Variants in GRID2 observed in about 807,000 individuals in gnomAD.
The protein encoded by GRID2 is glutamate receptor ionotropic, delta-2.
In GRID2, 33 loss-of-function variants were observed where a neutral mutation model predicts 114.8. The observed-to-expected ratio is 0.29, with a 90% CI of 0.22 to 0.38. GRID2 has a LOEUF of 0.38. Ranked by LOEUF, GRID2 falls within the 10% of genes least tolerant of loss-of-function variation. The pLI, the probability that GRID2 is intolerant of heterozygous loss-of-function variation, is 1.00. For synonymous variants in GRID2, 505 were observed against 449.9 expected, an observed-to-expected ratio of 1.12 and a Z score of -1.55; for missense variants, 1,184 against 1,257.7, an observed-to-expected ratio of 0.94 and a Z score of 0.89.
intron 2 of GRID2, among the ~76,000 whole-genome samples, chr4:92,962,969 A>G (rs1201205780): frequency 1.3e-5 from 2 of 151,994 alleles, no homozygotes; most frequent in Admixed American, 6.6e-5. Context: ...AAAGCAAGCC[A>G]CACATTTTTT....
At chr4:93,167,479 G>A (rs891800657) in intron 4 of GRID2, among the ~76,000 whole-genome samples, 1 of 152,018 alleles carries the variant, frequency 6.6e-6, no homozygotes, top group Non-Finnish European at 1.5e-5. Context: ...GCATCCTGAG[G>A]TCTCTTCCCT....
chr4:93,490,176 T>C (rs1560674713), intron 11 of GRID2, among the ~76,000 whole-genome samples: 1 of 151,922 alleles, frequency 6.6e-6, no homozygotes, highest in African/African-American at 2.4e-5. Context: ...AACACTAATA[T>C]GTGTGATCCC....
At chr4:92,924,424 G>T (rs1177465958) in intron 2 of GRID2, among the ~76,000 whole-genome samples, 2 of 151,706 alleles carry the variant, frequency 1.3e-5, no homozygotes, top group African/African-American at 4.8e-5. Context: ...AAATTATTCG[G>T]TCCTCTAAAG....
chr4:93,033,575 A>G (rs983715908), intron 2 of GRID2, among the ~76,000 whole-genome samples: 1 of 152,142 alleles, frequency 6.6e-6, no homozygotes, highest in African/African-American at 2.4e-5. Context: ...GTCTAGCTAT[A>G]TTAACCAAAA....
At chr4:92,873,487 C>T (rs918379542) in intron 2 of GRID2, among the ~76,000 whole-genome samples, 1 of 151,938 alleles carries the variant, frequency 6.6e-6, no homozygotes, top group Non-Finnish European at 1.5e-5. Context: ...CTTGAACTCA[C>T]CTTGCTCCAG....
intron 14 of GRID2, among the ~76,000 whole-genome samples, chr4:93,729,125 T>C (rs1387606962): frequency 6.6e-6 from 1 of 152,180 alleles, no homozygotes. Context: ...CTTGAACTCC[T>C]GACCTCATGA....
intron 1 of GRID2, among the ~76,000 whole-genome samples, chr4:93,790,177 C>G (rs982034132): frequency 2.1e-5 from 3 of 145,966 alleles, no homozygotes; most frequent in Middle Eastern, 3.2e-3. Context: ...GTCCCTGGTG[C>G]CAAAAAGCCT....
chr4:93,784,198 A>C (rs1734545386), intron 1 of GRID2, among the ~76,000 whole-genome samples: 1 of 151,008 alleles, frequency 6.6e-6, no homozygotes, highest in Admixed American at 6.6e-5. Context: ...GCTAGCCTCT[A>C]CCTGGAAGCC....
At chr4:93,475,272 T>C (rs72668759) in intron 11 of GRID2, among the ~76,000 whole-genome samples, 2,157 of 152,278 alleles carry the variant, frequency 0.014, 19 homozygotes, top group South Asian at 0.056. Flanking sequence ...ATTTTTCTCT[T>C]CAACTCTTTA....
At chr4:92,720,800 G>C (rs568744085) in intron 2 of GRID2, among the ~76,000 whole-genome samples, 2 of 151,984 alleles carry the variant, frequency 1.3e-5, no homozygotes, top group African/African-American at 2.4e-5. Context: ...ACTACCCTCT[G>C]GGTATATACC....
chr4:93,703,997 T>C (rs1023582407), intron 14 of GRID2, among the ~76,000 whole-genome samples: 4 of 152,180 alleles, frequency 2.6e-5, no homozygotes, highest in East Asian at 1.9e-4. Context: ...TTATAATCCT[T>C]TGGGTATATA....
intron 1 of GRID2, among the ~76,000 whole-genome samples, chr4:92,424,335 C>T (rs1420805639): frequency 6.6e-6 from 1 of 152,054 alleles, no homozygotes; most frequent in Non-Finnish European, 1.5e-5. Context: ...TTATATTTTT[C>T]TATATTCCTT....
chr4:93,098,735 G>C (rs953927504), intron 3 of GRID2, among the ~76,000 whole-genome samples: 4 of 151,826 alleles, frequency 2.6e-5, no homozygotes, highest in Admixed American at 2.6e-4. Context: ...ACCCAATATT[G>C]GGATGGATAT....
At chr4:93,686,829 A>G (rs1726121247) in intron 14 of GRID2, among the ~76,000 whole-genome samples, 1 of 151,984 alleles carries the variant, frequency 6.6e-6, no homozygotes, top group Non-Finnish European at 1.5e-5. Context: ...GGAAAGAGGT[A>G]GAGGATGAGG....
chr4:93,054,249 T>A (rs1346942389), intron 2 of GRID2, among the ~76,000 whole-genome samples: 1 of 151,890 alleles, frequency 6.6e-6, no homozygotes, highest in Non-Finnish European at 1.5e-5. Context: ...ATAACTGAAT[T>A]ATAGCATTCG....
At chr4:93,210,852 C>CT (rs993459163) in intron 5 of GRID2, among the ~76,000 whole-genome samples, 15 of 151,854 alleles carry the variant, frequency 9.9e-5, no homozygotes, top group African/African-American at 2.9e-4. Context: ...TTCTAGATTA[C>CT]TTTTTTTGAA....
intron 13 of GRID2, among the ~76,000 whole-genome samples, chr4:93,554,390 C>T (rs1734095002): frequency 6.6e-6 from 1 of 151,910 alleles, no homozygotes; most frequent in Non-Finnish European, 1.5e-5. Context: ...TCCCTCTGTC[C>T]TTAATTAAAT....
intron 2 of GRID2, among the ~76,000 whole-genome samples, chr4:93,035,909 A>G (rs1165458017): frequency 6.6e-6 from 1 of 151,892 alleles, no homozygotes; most frequent in Non-Finnish European, 1.5e-5. Context: ...GCAGAATCTC[A>G]AGGTGAAGGA....
At chr4:93,405,496 A>G (rs968363496) in intron 9 of GRID2, among the ~76,000 whole-genome samples, 6 of 152,256 alleles carry the variant, frequency 3.9e-5, no homozygotes, top group African/African-American at 1.4e-4. Flanking sequence ...CTAATCAATG[A>G]GTAAATATTT....
Sources: allele counts gnomAD v4.1 joint callset (sites outside exome capture counted in the v4.1 genomes callset), GRCh38; gene constraint gnomAD v4.1.1; transcripts MANE v1.5; gene names NCBI Gene and HGNC (gene_info 2026-07-23, HGNC 2026-07-21).